The following SNTB2 variants were observed in gnomAD, a reference collection of about 807,000 sequenced individuals.
The protein encoded by SNTB2 is beta-2-syntrophin.
In SNTB2, 34 loss-of-function variants were observed where a neutral mutation model predicts 46.2. The ratio of observed to expected loss-of-function variants is 0.74; its 90% CI spans 0.56 to 0.98. SNTB2 has a LOEUF of 0.98. SNTB2 is among the 50% of genes least tolerant of loss of function. The probability of loss-of-function intolerance (pLI) is 0.00; values close to 1 mark genes in which losing one functional copy is unlikely to be tolerated. For synonymous variants in SNTB2, 290 were observed against 312.6 expected, an observed-to-expected ratio of 0.93 and a Z score of 0.76; for missense variants, 603 against 731.4, an observed-to-expected ratio of 0.82 and a Z score of 2.02.
chr16:69,248,589 G>A (rs55841844), intron 2 of SNTB2, among the ~76,000 whole-genome samples: 6,512 of 152,162 alleles, frequency 0.043, 195 homozygotes, highest in South Asian at 0.075. Flanking sequence ...CCGAGATTGC[G>A]CCTCTGCACT....
At chr16:69,295,307 G>A (rs966027635) in intron 5 of SNTB2, among the ~76,000 whole-genome samples, 5 of 122,200 alleles carry the variant, frequency 4.1e-5, no homozygotes, top group East Asian at 2.7e-4. Context: ...ACAGTGGCCC[G>A]ATCTTGATCT....
chr16:69,290,721 A>G (rs565539541), intron 5 of SNTB2, among the ~76,000 whole-genome samples: 1 of 152,318 alleles, frequency 6.6e-6, no homozygotes, highest in East Asian at 1.9e-4. Flanking sequence ...ATGTATCAGG[A>G]TTGTCATAAG....
At chr16:69,193,813 C>T (rs1040203874) in intron 1 of SNTB2, among the ~76,000 whole-genome samples, 27 of 152,222 alleles carry the variant, frequency 1.8e-4, no homozygotes, top group South Asian at 8.3e-4. Flanking sequence ...GGAAGAGCTG[C>T]GCCTCAGAAA....
rs1429635225 is a variant in SNTB2 at position 69,304,767 on chromosome 16, G to T, written c.*3843G>T. ...CAGCCTCAACCTTCTGGGCTCAAAT[G>T]ATCCTTTCACCTCAGCCTCCTGAGT... On this transcript the variant is annotated 3_prime_UTR_variant, in exon 7 of 7. Transcript: ENST00000336278. 6.6e-6 allele frequency: 1 copy of T among 151,802 alleles called. No homozygotes were observed. The highest frequency in any genetic ancestry group is 1.9e-4 in the East Asian group (1 of 5,178). The allele number at this position is 151,802 out of a possible 1,614,324, so 9.4% of individuals were successfully genotyped here. A position where few individuals can be genotyped will look rare whatever the true frequency, so the allele number is the denominator to read the frequency against.
At chr16:69,215,968 A>G (rs11640146) in intron 1 of SNTB2, among the ~76,000 whole-genome samples, 21,914 of 151,992 alleles carry the variant, frequency 0.14, 1,713 homozygotes, top group Middle Eastern at 0.23. Flanking sequence ...GTGCCTGGCT[A>G]ATTAAAAAGA....
At chr16:69,192,466 A>G (rs1459946887) in intron 1 of SNTB2, among the ~76,000 whole-genome samples, 1 of 152,230 alleles carries the variant, frequency 6.6e-6, no homozygotes, top group African/African-American at 2.4e-5. Context: ...GTTGTAAAGC[A>G]CTTAAGCCAT....
At chr16:69,223,652 G>A (rs1190494128) in intron 1 of SNTB2, among the ~76,000 whole-genome samples, 3 of 150,534 alleles carry the variant, frequency 2.0e-5, no homozygotes, top group African/African-American at 7.4e-5. Flanking sequence ...TTTTTGAGAC[G>A]GAGTCTCGCT....
At chr16:69,223,221 T>C (rs1482870918) in intron 1 of SNTB2, among the ~76,000 whole-genome samples, 1 of 151,324 alleles carries the variant, frequency 6.6e-6, no homozygotes, top group Non-Finnish European at 1.5e-5. Flanking sequence ...ATACAGAGTT[T>C]TGCTCTTGTT....
chr16:69,299,807 A>G (rs1405638406), intron 6 of SNTB2, 33 bp downstream of exon 6: 1 of 1,593,040 alleles, frequency 6.3e-7, no homozygotes, highest in Non-Finnish European at 8.6e-7. Flanking sequence ...TGTTTATCTA[A>G]TAGATGTTCT....
chr16:69,191,582 A>T (rs113409759), intron 1 of SNTB2, among the ~76,000 whole-genome samples: 3 of 144,056 alleles, frequency 2.1e-5, no homozygotes, highest in Admixed American at 1.4e-4. Flanking sequence ...AAAAAAAGCA[A>T]AGCCAGTAAG....
rs559278810 is a variant in SNTB2 at position 69,306,024 on chromosome 16, G to T, written c.*5100G>T. 6.6e-6 allele frequency: 1 copy of T among 152,126 alleles called. No individual in the cohort carries two copies. The highest frequency in any genetic ancestry group is 1.9e-4 in the East Asian group (1 of 5,184). The allele number at this position is 152,126 out of a possible 1,614,324, so 9.4% of individuals were successfully genotyped here. On this transcript the variant is annotated 3_prime_UTR_variant, in exon 7 of 7. Coordinates refer to ENST00000336278, the MANE Select transcript of SNTB2 (RefSeq NM_006750.4). ...ATATATCAGGGTTCTGTATTTTTGA[G>T]CAATATCATTATTCCTATGCTGTGA...
At chr16:69,239,635 G>C (rs1964591444) in intron 1 of SNTB2, among the ~76,000 whole-genome samples, 1 of 152,114 alleles carries the variant, frequency 6.6e-6, no homozygotes, top group Non-Finnish European at 1.5e-5. Flanking sequence ...TGCAACCTCT[G>C]CCTCCTGGGT....
At position 69,191,588 on chromosome 16, in the gene SNTB2, G is replaced by A. The variant is rs528118003; in HGVS notation, c.580+3842G>A. 1.0e-4 allele frequency among the ~76,000 whole-genome samples: 14 copies of A among 136,146 alleles called. No individual in the cohort carries two copies. In the East Asian group the frequency reaches 3.1e-3, roughly 31 times the overall value. 89.3% of individuals were successfully genotyped at this position (136,146 alleles called of 152,430 possible). ...AAAAAAAAAAAAAAAAGCAAAGCCA[G>A]TAAGTAAAGTTGAATGAAATGTCCA... On this transcript the variant is annotated intron_variant, in intron 1 of 6. Transcript: ENST00000336278.
intron 5 of SNTB2, among the ~76,000 whole-genome samples, chr16:69,297,110 G>A (rs1015746703): frequency 4.6e-5 from 7 of 151,276 alleles, no homozygotes; most frequent in African/African-American, 1.7e-4. Context: ...TTCAAGACCA[G>A]CCTGGGCAAG....
chr16:69,271,894 G>A (rs914776231), intron 4 of SNTB2, among the ~76,000 whole-genome samples: 5 of 152,170 alleles, frequency 3.3e-5, no homozygotes, highest in African/African-American at 1.2e-4. Context: ...AGTAGATTAG[G>A]CATGGACCAC....
chr16:69,228,414 G>A (rs1964477975), intron 1 of SNTB2, among the ~76,000 whole-genome samples: 1 of 150,598 alleles, frequency 6.6e-6, no homozygotes, highest in South Asian at 2.1e-4. Flanking sequence ...GTTGAGGTGG[G>A]AGGATGGCTT....
intron 5 of SNTB2, 59 bp downstream of exon 5, chr16:69,284,303 G>A (rs1965078988): frequency 7.1e-7 from 1 of 1,412,692 alleles, no homozygotes; most frequent in South Asian, 1.4e-5. Flanking sequence ...ATATAGTCAT[G>A]TGCTGCATAA....
At chr16:69,188,692 G>T (rs376292058) in intron 1 of SNTB2, among the ~76,000 whole-genome samples, 14 of 152,286 alleles carry the variant, frequency 9.2e-5, no homozygotes, top group African/African-American at 3.4e-4. Flanking sequence ...TTTCACTGGT[G>T]ATTATGGCTA....
At chr16:69,250,580 A>G (rs1264039474) in intron 2 of SNTB2, among the ~76,000 whole-genome samples, 2 of 152,300 alleles carry the variant, frequency 1.3e-5, no homozygotes, top group East Asian at 3.9e-4. Context: ...TCAACTATGT[A>G]CTTTAGAATG....
Sources: allele counts gnomAD v4.1 joint callset (sites outside exome capture counted in the v4.1 genomes callset), GRCh38; gene constraint gnomAD v4.1.1; transcripts MANE v1.5; gene names NCBI Gene and HGNC (gene_info 2026-07-23, HGNC 2026-07-21).